Variants in ADGRA2 observed in about 807,000 individuals in gnomAD.
The protein encoded by ADGRA2 is G-protein coupled receptor 124.
Under a neutral mutation model 98.7 loss-of-function variants are expected in ADGRA2, and 61 were observed. The observed-to-expected ratio is 0.62, with a 90% CI of 0.50 to 0.76. ADGRA2 has a LOEUF of 0.76. Ranked by LOEUF, ADGRA2 falls within the 30% of genes least tolerant of loss-of-function variation. ADGRA2 has a pLI of 0.00. For missense variants in ADGRA2, 1,712 were observed against 1,860.0 expected (o/e 0.92, Z 1.46); for synonymous variants, 858 against 831.5 (o/e 1.03, Z -0.55).
intron 2 of ADGRA2, among the ~76,000 whole-genome samples, chr8:37,822,140 G>A (rs1805144909): frequency 6.6e-6 from 1 of 152,220 alleles, no homozygotes; most frequent in Middle Eastern, 3.4e-3. Flanking sequence ...GAGACAAGAG[G>A]CACCTGGAGG....
At chr8:37,799,683 C>A (rs2129882557) in intron 1 of ADGRA2, among the ~76,000 whole-genome samples, 1 of 152,264 alleles carries the variant, frequency 6.6e-6, no homozygotes, top group African/African-American at 2.4e-5. Flanking sequence ...CCCTAGCTCA[C>A]CCTCCAATCC....
At chr8:37,810,864 C>A (rs1364129483) in intron 1 of ADGRA2, among the ~76,000 whole-genome samples, 2 of 152,082 alleles carry the variant, frequency 1.3e-5, no homozygotes, top group Middle Eastern at 3.4e-3. Context: ...TGCCTGTAAT[C>A]CCAGCACTTT....
At position 37,822,432 on chromosome 8, in the gene ADGRA2, T is replaced by A. The variant is rs1394102547; in HGVS notation, c.339-6456T>A. On this transcript the variant is annotated intron_variant, in intron 2 of 18. Coordinates refer to ENST00000412232, the MANE Select transcript of ADGRA2 (RefSeq NM_032777.10). ...ACAGTCACATGCTCTTTAACTCACA[T>A]GCTCTTTAACGGCTCTAGTGAGATA... Among the ~76,000 whole-genome samples, 82 of 97,774 alleles carry A rather than the reference T, an allele frequency of 8.4e-4. 1 individual carries two copies. Among genetic ancestry groups the A allele is most frequent in the African/African-American group, 3.5e-3 (76 of 21,460 alleles). 64.1% of individuals were successfully genotyped at this position (97,774 alleles called of 152,430 possible).
chr8:37,806,512 TC>T (rs1281112018), intron 1 of ADGRA2, among the ~76,000 whole-genome samples: 1 of 136,032 alleles, frequency 7.4e-6, no homozygotes, highest in Admixed American at 7.1e-5. Context: ...TTTTTCTTTT[TC>T]TTTTTTCTTT....
At chr8:37,823,190 C>CTTT (rs34242233) in intron 2 of ADGRA2, among the ~76,000 whole-genome samples, 2 of 130,064 alleles carry the variant, frequency 1.5e-5, no homozygotes, top group African/African-American at 2.9e-5. Flanking sequence ...CATGCCCAAC[C>CTTT]TTTTTTTTTT....
chr8:37,799,292 T>C (rs1804431114), intron 1 of ADGRA2, among the ~76,000 whole-genome samples: 1 of 151,832 alleles, frequency 6.6e-6, no homozygotes, highest in Non-Finnish European at 1.5e-5. Context: ...GGAGAATCGC[T>C]TGAACCCGGG....
rs1386252900 is a variant in ADGRA2, at chr8:37,843,845, A to AG, written c.*1494dup. ...GAGCTTTTTGCAATATGCTGGGGAAAGGGGAGGGAGGGAATGAAAGTGCCA... is the reference window on the plus strand; with the variant it reads ...GAGCTTTTTGCAATATGCTGGGGAAAGGGGGAGGGAGGGAATGAAAGTGCCA... On this transcript the variant is annotated 3_prime_UTR_variant, in exon 19 of 19. Coordinates refer to ENST00000412232, the MANE Select transcript of ADGRA2 (RefSeq NM_032777.10). 6.5e-6 allele frequency: 1 copy of AG among 152,826 alleles called. No homozygotes were observed. Among genetic ancestry groups the AG allele is most frequent in the East Asian group, 1.9e-4 (1 of 5,198 alleles). 9.5% of individuals were successfully genotyped at this position (152,826 alleles called of 1,614,324 possible).
In ADGRA2 at chr8:37,829,297, C is replaced by A; in HGVS notation, c.447C>A (p.Ser149=). The part of the protein sequence containing the change: ...LSNNRIGCLT[S]ETFQGLPRLL... ...ACAACCGGATTGGCTGTCTCACCTC[C>A]GAGACCTTCCAGGGCCTCCCCAGGC... The change falls in exon 4 of 19, where the codon TCC becomes TCA. Residue 149 remains serine (S), a synonymous_variant. Coordinates refer to ENST00000412232, the MANE Select transcript of ADGRA2 (RefSeq NM_032777.10). 1 of 1,613,766 alleles carries A rather than the reference C, an allele frequency of 6.2e-7. No individual in the cohort carries two copies. Among genetic ancestry groups the A allele is most frequent in the Non-Finnish European group, 8.5e-7 (1 of 1,179,840 alleles).
intron 1 of ADGRA2, among the ~76,000 whole-genome samples, chr8:37,803,651 G>T (rs1563336857): frequency 6.6e-6 from 1 of 152,102 alleles, no homozygotes; most frequent in Non-Finnish European, 1.5e-5. Context: ...TGGGGGGAGG[G>T]GGCAGAGAAG....
intron 3 of ADGRA2, 90 bp downstream of exon 3, chr8:37,829,049 C>A (rs1167879670): frequency 2.3e-6 from 2 of 852,242 alleles, no homozygotes; most frequent in East Asian, 2.8e-5. Context: ...CTTCCTCTCA[C>A]CCCCCCACAC....
chr8:37,836,509 A>G (rs1251158901), intron 13 of ADGRA2, among the ~76,000 whole-genome samples: 1 of 152,172 alleles, frequency 6.6e-6, no homozygotes, highest in Non-Finnish European at 1.5e-5. Flanking sequence ...CCCAGAAAGC[A>G]GATGGATCAC....
In ADGRA2 at chr8:37,840,180, G is replaced by A. The variant is rs200971618; in HGVS notation, c.2571G>A (p.Ala857=). 3.0e-5 allele frequency: 49 copies of A among 1,611,932 alleles called. No individual in the cohort carries two copies. Among genetic ancestry groups the A allele is most frequent in the South Asian group, 1.6e-4 (15 of 91,074 alleles). Residue 857 remains alanine (A), a synonymous_variant, in exon 17 of 19, where the codon GCG becomes GCA. Transcript: ENST00000412232. The stretch of plus-strand genomic sequence containing the variant: ...CGCTGCTCTGGATGGGCGTGAAGGC[G>A]CGAGTGCTCCATAAGGAGCTCACCT... ...LSTLLWMGVK[A]RVLHKELTWR...
chr8:37,798,138 G>A (rs1375582420), intron 1 of ADGRA2, among the ~76,000 whole-genome samples: 1 of 148,716 alleles, frequency 6.7e-6, no homozygotes, highest in African/African-American at 2.5e-5. Context: ...CTGGGCTGCA[G>A]GAGACCCTGG....
Position 37,844,492 on chromosome 8 carries a change from A to G in ADGRA2, c.*2137A>G. Reference sequence around the variant, plus strand: ...GAAGTGCTCCCAGTGGATATCCATCAGGGAGGGTTAGGGACACTCGTGGCA... The same window carrying G: ...GAAGTGCTCCCAGTGGATATCCATCGGGGAGGGTTAGGGACACTCGTGGCA... On this transcript the variant is annotated 3_prime_UTR_variant, in exon 19 of 19. Coordinates refer to ENST00000412232, the MANE Select transcript of ADGRA2 (RefSeq NM_032777.10). The G allele has an allele frequency of 6.2e-7, 1 of 1,611,992 alleles. No homozygotes were observed. Among genetic ancestry groups the G allele is most frequent in the African/African-American group, 1.3e-5 (1 of 75,016 alleles).
chr8:37,823,229 TGGCGCCA>T (rs1416119508), intron 2 of ADGRA2, among the ~76,000 whole-genome samples: 1 of 148,042 alleles, frequency 6.8e-6, no homozygotes, highest in African/African-American at 2.5e-5. Context: ...GGTCTCACTC[TGGCGCCA>T]GGCTAGAGTG....
In ADGRA2 at chr8:37,842,846, G is replaced by A. The variant is rs1805851622; in HGVS notation, c.*491G>A. ...CCGAGTTTGGCTGGCACGAGAGCTA[G>A]CCCAGCACATGAAGCAGGTGATGTT... On this transcript the variant is annotated 3_prime_UTR_variant, in exon 19 of 19. Transcript: ENST00000412232. The A allele has an allele frequency of 6.4e-6, 1 of 155,154 alleles. No homozygotes were observed. Among genetic ancestry groups the A allele is most frequent in the Non-Finnish European group, 1.4e-5 (1 of 69,924 alleles). The allele number at this position is 155,154 out of a possible 1,614,324, so 9.6% of individuals were successfully genotyped here.
At position 37,831,802 on chromosome 8, in the gene ADGRA2, C is replaced by T. The variant is rs539540163; in HGVS notation, c.1097+215C>T. Among the ~76,000 whole-genome samples the T allele has an allele frequency of 3.9e-5, 6 of 152,326 alleles. No homozygotes were observed. The South Asian group carries it at 8.3e-4, about 21-fold the overall frequency. The stretch of plus-strand genomic sequence containing the variant: ...ATCTGAGGCCGGGTGCAGTGGCTCA[C>T]GCCTACAATCCCAGCACTTTGGAAG... On this transcript the variant is annotated intron_variant, in intron 8 of 18. Coordinates refer to ENST00000412232, the MANE Select transcript of ADGRA2 (RefSeq NM_032777.10).
rs112644775 is a variant in ADGRA2 at position 37,841,032 on chromosome 8, G to A, written c.2748-54G>A. ...GTCTCCCCAACCACCCCGGCCCCCA[G>A]CCCCACCCCAGCCATGCCCCCTGTC... is the stretch of plus-strand genomic sequence containing the variant. On this transcript the variant is annotated intron_variant, in intron 18 of 18. Transcript: ENST00000412232. The surrounding 1 kb of genome is among the most constrained non-coding windows in gnomAD (Gnocchi z 5.0). 11 of 802,050 alleles carry A rather than the reference G, an allele frequency of 1.4e-5. No homozygotes were observed. Among genetic ancestry groups the A allele is most frequent in the Non-Finnish European group, 1.9e-5 (10 of 520,226 alleles). 49.7% of individuals were successfully genotyped at this position (802,050 alleles called of 1,614,324 possible).
rs1740881806 is a variant in ADGRA2, at chr8:37,802,400, G to A, written c.266+4866G>A. On this transcript the variant is annotated intron_variant, in intron 1 of 18. Transcript: ENST00000412232. This position sits in a 1 kb window ranked among gnomAD's most constrained non-coding sequence, Gnocchi z 4.7. ...TCTGGGCGCAGAGACAGCAGCCAGA[G>A]GAAGTGGCTGTGTACAGAGAGCTTT... Among the ~76,000 whole-genome samples the A allele has an allele frequency of 6.6e-6, 1 of 152,198 alleles. No homozygotes were observed. The highest frequency in any genetic ancestry group is 6.5e-5 in the Admixed American group (1 of 15,286).
Sources: gnomAD v4.1 joint callset for allele counts (sites outside exome capture counted in the v4.1 genomes callset) on GRCh38, gnomAD v4.1.1 for gene constraint, Gnocchi (gnomAD v3.1) non-coding constraint, MANE v1.5 for transcripts, NCBI Gene and HGNC (gene_info 2026-07-23, HGNC 2026-07-21) for gene names.